Variants in NFIB observed in about 807,000 individuals in gnomAD.
NFIB encodes the protein nuclear factor I B, also known as nuclear factor 1 B-type.
A neutral mutation model predicts 61.5 loss-of-function variants in NFIB; 11 were observed. The observed-to-expected ratio is 0.18, with a 90% confidence interval of 0.11 to 0.30. NFIB has a LOEUF of 0.30. NFIB is among the 10% of genes least tolerant of loss of function. The pLI is 1.00. For synonymous variants in NFIB, 260 were observed against 216.5 expected, an observed-to-expected ratio of 1.20 and a Z score of -1.76; for missense variants, 471 against 608.9, an observed-to-expected ratio of 0.77 and a Z score of 2.38.
upstream of NFIB, among the ~76,000 whole-genome samples, chr9:14,316,492 C>G (rs530790005): frequency 1.1e-3 from 173 of 152,386 alleles, no homozygotes; most frequent in Middle Eastern, 3.4e-3. Flanking sequence ...GCCCCTGCCC[C>G]GGCAAATCCT....
At chr9:14,287,063 A>T (rs1310486975) in intron 2 of NFIB, among the ~76,000 whole-genome samples, 1 of 152,150 alleles carries the variant, frequency 6.6e-6, no homozygotes, top group African/African-American at 2.4e-5. Flanking sequence ...AGGAACTGAG[A>T]ATTTCACAAA....
intron 1 of NFIB, among the ~76,000 whole-genome samples, chr9:14,379,169 C>G (rs913923831): frequency 1.5e-4 from 23 of 152,138 alleles, no homozygotes; most frequent in African/African-American, 5.6e-4. Flanking sequence ...TTACTTCACC[C>G]CATATCGTCC....
At chr9:14,422,597 A>T in the NFIB span, among the ~76,000 whole-genome samples, 1 of 152,244 alleles carries the variant, frequency 6.6e-6, no homozygotes, top group Non-Finnish European at 1.5e-5. Context: ...AACCTTGAAA[A>T]GGCCAGTCTT....
the NFIB span, among the ~76,000 whole-genome samples, chr9:14,508,081 TATA>T: frequency 1.3e-5 from 2 of 151,162 alleles, no homozygotes; most frequent in East Asian, 3.9e-4. Context: ...ATTAGGCATA[TATA>T]ATATTAATAT....
rs190859855 is a variant in NFIB, at chr9:14,191,395, G to T, written c.563-11615C>A. ...CCAAGAATAATAAAGAATAACAGAA[G>T]CCCACCATGAAATCTACTACTCATC... On this transcript the variant is annotated intron_variant, in intron 2 of 10. Transcript: ENST00000380953. 8.0e-4 allele frequency among the ~76,000 whole-genome samples: 122 copies of T among 152,018 alleles called. No homozygotes were observed. The Middle Eastern group carries it at 0.017, about 21-fold the overall frequency.
chr9:14,456,486 A>C, the NFIB span, among the ~76,000 whole-genome samples: 1 of 152,196 alleles, frequency 6.6e-6, no homozygotes, highest in African/African-American at 2.4e-5. Context: ...TCTACAAATC[A>C]ATGCACAAAA....
At chr9:14,245,506 G>A (rs1430533668) in intron 2 of NFIB, among the ~76,000 whole-genome samples, 1 of 151,938 alleles carries the variant, frequency 6.6e-6, no homozygotes, top group Non-Finnish European at 1.5e-5. Context: ...CAACCCTTTT[G>A]CTCTCAAGGT....
intron 2 of NFIB, among the ~76,000 whole-genome samples, chr9:14,216,534 CTCTCTCTCCCTCTGTGTG>C (rs1425224312): frequency 0.03 from 1,042 of 34,366 alleles, 29 homozygotes; most frequent in African/African-American, 0.11. Context: ...CTCTCTCTCT[CTCTCTCTCCCTCTGTGTG>C]TGTGTGTGTG....
the NFIB span, among the ~76,000 whole-genome samples, chr9:14,461,799 T>C: frequency 3.3e-5 from 5 of 152,240 alleles, no homozygotes; most frequent in East Asian, 1.9e-4. Flanking sequence ...GGGGCACTTA[T>C]TCCACCAGAT....
chr9:14,436,007 C>T, the NFIB span, among the ~76,000 whole-genome samples: 9 of 152,354 alleles, frequency 5.9e-5, no homozygotes, highest in African/African-American at 1.4e-4. Context: ...ATCTTAGTGG[C>T]TTGGAATAAG....
the NFIB span, among the ~76,000 whole-genome samples, chr9:14,407,348 G>C: frequency 6.6e-6 from 1 of 152,148 alleles, no homozygotes; most frequent in African/African-American, 2.4e-5. Context: ...AAATCAGACT[G>C]TTTTTGATTA....
chr9:14,451,529 AAAAAC>A, the NFIB span, among the ~76,000 whole-genome samples: 18 of 152,226 alleles, frequency 1.2e-4, no homozygotes, highest in Non-Finnish European at 2.5e-4. Flanking sequence ...AAGCACTTAA[AAAAAC>A]AAAACAAAAC....
chr9:14,308,602 G>C (rs530537109), intron 1 of NFIB, among the ~76,000 whole-genome samples: 1 of 152,266 alleles, frequency 6.6e-6, no homozygotes, highest in South Asian at 2.1e-4. Flanking sequence ...TGCTGTGGTG[G>C]GGTGACACTG....
intron 1 of NFIB, among the ~76,000 whole-genome samples, chr9:14,310,235 A>G (rs962915219): frequency 6.6e-6 from 1 of 152,202 alleles, no homozygotes; most frequent in Non-Finnish European, 1.5e-5. Flanking sequence ...AATGCTGCCA[A>G]TATTGTTTTA....
chr9:14,526,588 C>A, the NFIB span, among the ~76,000 whole-genome samples: 6 of 152,064 alleles, frequency 3.9e-5, no homozygotes, highest in African/African-American at 1.4e-4. Context: ...CTTTTCCTGC[C>A]CTGCTAAATT....
At chr9:14,367,918 T>C (rs1164159086) in intron 1 of NFIB, among the ~76,000 whole-genome samples, 1 of 151,996 alleles carries the variant, frequency 6.6e-6, no homozygotes, top group African/African-American at 2.4e-5. Context: ...TTAGGAGAAA[T>C]ACCTAATGTA....
chr9:14,434,870 T>C, the NFIB span, among the ~76,000 whole-genome samples: 1 of 152,198 alleles, frequency 6.6e-6, no homozygotes, highest in African/African-American at 2.4e-5. Context: ...AATTCCTCTA[T>C]ACAGAGAGGA....
At position 14,379,419 on chromosome 9, in the gene NFIB, A is replaced by C. The variant is rs1301966221; in HGVS notation, c.108+19105T>G. 2.0e-5 allele frequency among the ~76,000 whole-genome samples: 3 copies of C among 152,240 alleles called. No homozygotes were observed. The East Asian group carries it at 5.8e-4, about 29-fold the overall frequency. On this transcript the variant is annotated intron_variant, in intron 1 of 8. Transcript: ENST00000380934. ...AAAATAACAACCTCTTTATGGTTTCACCAGCTGAGACATAAAAGACTATTT... is the reference window on the plus strand; with the variant it reads ...AAAATAACAACCTCTTTATGGTTTCCCCAGCTGAGACATAAAAGACTATTT...
the NFIB span, among the ~76,000 whole-genome samples, chr9:14,508,835 C>A: frequency 6.6e-6 from 1 of 152,248 alleles, no homozygotes. Context: ...TAACATTCTG[C>A]TGAATTAAAA....
Sources: allele counts gnomAD v4.1 joint callset (sites outside exome capture counted in the v4.1 genomes callset), GRCh38; gene constraint gnomAD v4.1.1; transcripts MANE v1.5; gene names NCBI Gene and HGNC (gene_info 2026-07-23, HGNC 2026-07-21).